MAMDC2: variants seen among roughly 807,000 people sequenced by gnomAD.
MAMDC2 encodes MAM domain-containing protein 2.
Under a neutral mutation model 89.8 loss-of-function variants are expected in MAMDC2, and 57 were observed. The observed-to-expected ratio is 0.63, with a 90% CI of 0.51 to 0.79. The LOEUF is 0.79. Among genes scored for constraint, MAMDC2 ranks in the 30% least tolerant of loss-of-function variants. The pLI is 0.00. For synonymous variants in MAMDC2, 313 were observed against 293.4 expected (o/e 1.07, Z -0.68); for missense variants, 800 against 820.6 (o/e 0.97, Z 0.31).
chr9:70,069,681 T>C (rs901783400), intron 2 of MAMDC2, among the ~76,000 whole-genome samples: 4 of 152,198 alleles, frequency 2.6e-5, no homozygotes, highest in African/African-American at 9.6e-5. Context: ...TGGAGAACTT[T>C]TTGAAGATGA....
At chr9:70,185,459 G>A (rs1329949700) in intron 11 of MAMDC2, among the ~76,000 whole-genome samples, 1 of 152,168 alleles carries the variant, frequency 6.6e-6, no homozygotes, top group Admixed American at 6.5e-5. Context: ...TTCAGAGCCG[G>A]CAGGGAGGGA....
intron 5 of MAMDC2, among the ~76,000 whole-genome samples, 164 bp downstream of exon 5, chr9:70,113,296 G>A (rs543244443): frequency 6.6e-6 from 1 of 152,292 alleles, no homozygotes; most frequent in South Asian, 2.1e-4. Context: ...AGAAGAGTAG[G>A]GAAGGATCTA....
intron 2 of MAMDC2, among the ~76,000 whole-genome samples, chr9:70,061,015 G>GT (rs1827138687): frequency 6.6e-6 from 1 of 152,174 alleles, no homozygotes; most frequent in African/African-American, 2.4e-5. Context: ...ATGAATGGAT[G>GT]TGAGTGGCTG....
chr9:70,071,256 G>A (rs558023464), intron 2 of MAMDC2, among the ~76,000 whole-genome samples: 30 of 152,296 alleles, frequency 2.0e-4, no homozygotes, highest in Non-Finnish European at 3.4e-4. Context: ...CTTGATTTAC[G>A]TAAGATGTCA....
At chr9:70,140,423 C>T in intron 8 of MAMDC2, 135 bp downstream of exon 8, 1 of 908,730 alleles carries the variant, frequency 1.1e-6, no homozygotes, top group Non-Finnish European at 1.6e-6. Flanking sequence ...AATCAGTAGT[C>T]TTGTGTTTGA....
chr9:70,059,274 G>C (rs945788480), intron 2 of MAMDC2, among the ~76,000 whole-genome samples: 3 of 152,112 alleles, frequency 2.0e-5, no homozygotes, highest in African/African-American at 4.8e-5. Flanking sequence ...AATGTCTCTT[G>C]ACCCATGGCA....
intron 11 of MAMDC2, among the ~76,000 whole-genome samples, chr9:70,176,992 A>C (rs1447584160): frequency 6.6e-6 from 1 of 152,218 alleles, no homozygotes; most frequent in East Asian, 1.9e-4. Context: ...ATAAAGCTTA[A>C]TCTATAAATT....
At chr9:70,101,405 G>T (rs2997704) in intron 2 of MAMDC2, among the ~76,000 whole-genome samples, 1 of 152,066 alleles carries the variant, frequency 6.6e-6, no homozygotes, top group African/African-American at 2.4e-5. Flanking sequence ...TACAGTGTTT[G>T]TAAGTCTACA....
At chr9:70,143,487 T>C in intron 8 of MAMDC2, 67 bp from the exon 9 acceptor site, 1 of 1,552,054 alleles carries the variant, frequency 6.4e-7, no homozygotes, top group South Asian at 1.2e-5. Flanking sequence ...ACTTTAATCA[T>C]ATTTTACCAC....
chr9:70,113,683 TGAG>T (rs202079900), intron 5 of MAMDC2: 1,873 of 154,798 alleles, frequency 0.012, 17 homozygotes, highest in Non-Finnish European at 0.02. Context: ...AAGTCAGCTT[TGAG>T]GAGAAGTCCT....
chr9:70,087,509 A>G (rs1827797449), intron 2 of MAMDC2: 1 of 152,112 alleles, frequency 6.6e-6, no homozygotes, highest in African/African-American at 2.4e-5. Context: ...AATTGCGCTA[A>G]CAAAATTCTT....
chr9:70,072,763 C>CA (rs1029066750), intron 2 of MAMDC2, among the ~76,000 whole-genome samples: 14 of 150,268 alleles, frequency 9.3e-5, no homozygotes, highest in African/African-American at 1.7e-4. Context: ...AAGGTTAAGA[C>CA]AAAAAAAAGT....
chr9:70,216,433 G>C (rs555033267), intron 11 of MAMDC2: 2 of 152,154 alleles, frequency 1.3e-5, no homozygotes, highest in African/African-American at 2.4e-5. Flanking sequence ...TGAAGAGAGA[G>C]AGAGAACAAG....
intron 9 of MAMDC2, among the ~76,000 whole-genome samples, chr9:70,164,614 T>A (rs2148868): frequency 0.78 from 119,186 of 152,034 alleles, 46,856 homozygotes; most frequent in Admixed American, 0.83. Flanking sequence ...GATATCACTT[T>A]ACTTGGCCCC....
At chr9:70,183,470 T>C (rs2032686273) in intron 11 of MAMDC2, among the ~76,000 whole-genome samples, 1 of 152,202 alleles carries the variant, frequency 6.6e-6, no homozygotes, top group South Asian at 2.1e-4. Flanking sequence ...TATTACTGTG[T>C]GTGAGTCTAA....
intron 7 of MAMDC2, among the ~76,000 whole-genome samples, chr9:70,139,298 A>T (rs1389365970): frequency 9.2e-6 from 1 of 108,864 alleles, no homozygotes; most frequent in Non-Finnish European, 1.8e-5. Flanking sequence ...CAGTCCCCAG[A>T]GTGTGATGTT....
intron 11 of MAMDC2, among the ~76,000 whole-genome samples, chr9:70,205,063 G>A (rs1215335816): frequency 6.6e-6 from 1 of 152,148 alleles, no homozygotes; most frequent in Non-Finnish European, 1.5e-5. Flanking sequence ...TTCCTATTCG[G>A]CCATCTTGGC....
intron 5 of MAMDC2, among the ~76,000 whole-genome samples, chr9:70,117,103 G>A (rs183746920): frequency 6.6e-6 from 1 of 152,308 alleles, no homozygotes; most frequent in East Asian, 1.9e-4. Flanking sequence ...AGTAAGTCCA[G>A]TCAGAGCCTC....
intron 9 of MAMDC2, among the ~76,000 whole-genome samples, chr9:70,149,950 C>T (rs1178353195): frequency 6.6e-6 from 1 of 152,164 alleles, no homozygotes; most frequent in Non-Finnish European, 1.5e-5. Flanking sequence ...CTGCCCAGGT[C>T]CCCCACCCTG....
Sources: allele counts gnomAD v4.1 joint callset (sites outside exome capture counted in the v4.1 genomes callset), GRCh38; gene constraint gnomAD v4.1.1; transcripts MANE v1.5; gene names NCBI Gene and HGNC (gene_info 2026-07-23, HGNC 2026-07-21).